Variants in ESRRG observed in about 807,000 individuals in gnomAD.
The protein encoded by ESRRG is estrogen related receptor gamma.
A neutral mutation model predicts 44.0 loss-of-function variants in ESRRG; 13 were observed. The observed-to-expected ratio is 0.30, with a 90% CI of 0.19 to 0.47. The LOEUF (loss-of-function observed/expected upper bound fraction) is 0.47, where lower values mean the gene tolerates loss of function less well. Among genes scored for constraint, ESRRG ranks in the 20% least tolerant of loss-of-function variants. The pLI, the probability that ESRRG is intolerant of heterozygous loss-of-function variation, is 1.00. For synonymous variants in ESRRG, 215 were observed against 214.6 expected (o/e 1.00, Z -0.02); for missense variants, 395 against 580.6 (o/e 0.68, Z 3.29).
intron 2 of ESRRG, among the ~76,000 whole-genome samples, chr1:216,761,331 G>C (rs941125325): frequency 1.3e-5 from 2 of 151,930 alleles, no homozygotes; most frequent in African/African-American, 4.8e-5. Flanking sequence ...AATACAATAA[G>C]TGTACTGGTC....
intron 1 of ESRRG, among the ~76,000 whole-genome samples, chr1:217,030,140 TC>T (rs1363200762): frequency 7.9e-5 from 12 of 152,002 alleles, no homozygotes; most frequent in African/African-American, 2.9e-4. Context: ...TCTCTCCCTT[TC>T]CCTTTCTCTT....
intron 1 of ESRRG, among the ~76,000 whole-genome samples, chr1:217,050,797 T>G (rs2085813998): frequency 1.3e-5 from 2 of 152,084 alleles, no homozygotes; most frequent in Non-Finnish European, 2.9e-5. Context: ...TAATAGTAAG[T>G]CTGGGGACAG....
chr1:216,514,516 C>G (rs1017696138), intron 6 of ESRRG, among the ~76,000 whole-genome samples: 1 of 151,972 alleles, frequency 6.6e-6, no homozygotes, highest in African/African-American at 2.4e-5. Context: ...CCTCTAACTC[C>G]AAGAAGATGG....
intron 2 of ESRRG, among the ~76,000 whole-genome samples, chr1:216,836,003 T>C (rs2095558883): frequency 1.3e-5 from 2 of 151,782 alleles, no homozygotes; most frequent in Non-Finnish European, 2.9e-5. Context: ...ACCTGCTTAA[T>C]TATGTGTTTA....
At chr1:216,514,535 A>G (rs964758575) in intron 6 of ESRRG, among the ~76,000 whole-genome samples, 3 of 152,160 alleles carry the variant, frequency 2.0e-5, no homozygotes, top group Non-Finnish European at 2.9e-5. Context: ...GGCAAGATAA[A>G]GGAAGTGGGC....
At chr1:216,523,138 T>C (rs1355827395) in intron 5 of ESRRG, among the ~76,000 whole-genome samples, 1 of 152,188 alleles carries the variant, frequency 6.6e-6, no homozygotes, top group Non-Finnish European at 1.5e-5. Flanking sequence ...TGGCACATTT[T>C]TTCTTCCACA....
chr1:217,093,745 T>C (rs1175770371), upstream of ESRRG, among the ~76,000 whole-genome samples: 3 of 150,876 alleles, frequency 2.0e-5, no homozygotes, highest in East Asian at 5.9e-4. Flanking sequence ...ATCGCACCAC[T>C]GCACTCCAGC....
chr1:216,702,615 A>AAAG (rs1559310850), intron 1 of ESRRG, among the ~76,000 whole-genome samples: 1 of 150,268 alleles, frequency 6.7e-6, no homozygotes, highest in African/African-American at 2.4e-5. Flanking sequence ...ATACAAAAAA[A>AAAG]AAAAAAAGAA....
intron 2 of ESRRG, among the ~76,000 whole-genome samples, chr1:216,769,206 G>T (rs2093269927): frequency 6.6e-6 from 1 of 152,098 alleles, no homozygotes; most frequent in African/African-American, 2.4e-5. Flanking sequence ...GGGAATGTTT[G>T]ATTAATGTCC....
At chr1:216,930,008 C>T (rs2063126499) in intron 2 of ESRRG, among the ~76,000 whole-genome samples, 1 of 152,168 alleles carries the variant, frequency 6.6e-6, no homozygotes, top group Non-Finnish European at 1.5e-5. Flanking sequence ...CACCTGATTT[C>T]ATTGGACATC....
intron 3 of ESRRG, among the ~76,000 whole-genome samples, chr1:216,620,449 C>T (rs574826893): frequency 1.3e-5 from 2 of 152,252 alleles, no homozygotes; most frequent in South Asian, 4.1e-4. Context: ...ATTTTTCATC[C>T]ACTCATTTAT....
intron 3 of ESRRG, among the ~76,000 whole-genome samples, chr1:216,638,096 T>A (rs1225373799): frequency 6.6e-6 from 1 of 152,136 alleles, no homozygotes; most frequent in East Asian, 1.9e-4. Context: ...TACAAACAGT[T>A]CCTGTTCTCA....
At chr1:216,534,921 C>G (rs796977953) in intron 5 of ESRRG, among the ~76,000 whole-genome samples, 1 of 152,132 alleles carries the variant, frequency 6.6e-6, no homozygotes, top group African/African-American at 2.4e-5. Flanking sequence ...GTGGCTTATC[C>G]CAAAGGAAAA....
intron 3 of ESRRG, among the ~76,000 whole-genome samples, chr1:216,601,389 C>T (rs2059235236): frequency 6.6e-6 from 1 of 152,156 alleles, no homozygotes; most frequent in South Asian, 2.1e-4. Flanking sequence ...GCTCCAACGC[C>T]GCGAAGGAGG....
At chr1:217,024,711 C>A (rs2080918515) in intron 1 of ESRRG, among the ~76,000 whole-genome samples, 1 of 152,176 alleles carries the variant, frequency 6.6e-6, no homozygotes, top group African/African-American at 2.4e-5. Context: ...GGGCTTCCTT[C>A]CTAGCAGTTG....
At chr1:217,026,509 G>C (rs765483303) in intron 1 of ESRRG, among the ~76,000 whole-genome samples, 6 of 152,154 alleles carry the variant, frequency 3.9e-5, no homozygotes, top group Non-Finnish European at 8.8e-5. Flanking sequence ...GAGGGCTCCA[G>C]CTTACAGTTT....
chr1:216,758,349 C>A (rs1208020966), intron 2 of ESRRG, among the ~76,000 whole-genome samples: 1 of 152,048 alleles, frequency 6.6e-6, no homozygotes, highest in Non-Finnish European at 1.5e-5. Flanking sequence ...CTCCACCATT[C>A]GGCTGCAGTT....
chr1:216,973,225 G>A (rs1453234064), intron 1 of ESRRG, among the ~76,000 whole-genome samples: 2 of 152,072 alleles, frequency 1.3e-5, no homozygotes, highest in Non-Finnish European at 2.9e-5. Context: ...ATCTCATTCA[G>A]GGTAAAAGCC....
chr1:216,680,141 C>G (rs1343043678), intron 1 of ESRRG, among the ~76,000 whole-genome samples: 1 of 152,172 alleles, frequency 6.6e-6, no homozygotes, highest in African/African-American at 2.4e-5. Context: ...GAACTGTTTC[C>G]TTAATTAATA....
Sources: allele counts gnomAD v4.1 joint callset (sites outside exome capture counted in the v4.1 genomes callset), GRCh38; gene constraint gnomAD v4.1.1; transcripts MANE v1.5; gene names NCBI Gene and HGNC (gene_info 2026-07-23, HGNC 2026-07-21).